Variants in GAS7 observed in about 807,000 individuals in gnomAD.
GAS7 encodes the protein growth arrest specific 7, also known as growth arrest-specific protein 7.
Under a neutral mutation model 71.1 loss-of-function variants are expected in GAS7, and 28 were observed. That is an observed-to-expected ratio of 0.39 (90% confidence interval 0.29 to 0.54). The LOEUF (loss-of-function observed/expected upper bound fraction) is 0.54, where lower values mean the gene tolerates loss of function less well. Ranked by LOEUF, GAS7 falls within the 20% of genes least tolerant of loss-of-function variation. The pLI, the probability that GAS7 is intolerant of heterozygous loss-of-function variation, is 0.62. For synonymous variants in GAS7, 258 were observed against 245.8 expected (o/e 1.05, Z -0.46); for missense variants, 436 against 627.8 (o/e 0.69, Z 3.27).
intron 1 of GAS7, among the ~76,000 whole-genome samples, chr17:10,181,349 G>T (rs1253561326): frequency 7.2e-6 from 1 of 138,890 alleles, no homozygotes; most frequent in African/African-American, 2.8e-5. Flanking sequence ...GACAGAGCAA[G>T]ACTCCACCTC....
At chr17:10,104,322 ACATC>A (rs2073737478) in intron 1 of GAS7, among the ~76,000 whole-genome samples, 1 of 152,092 alleles carries the variant, frequency 6.6e-6, no homozygotes, top group Admixed American at 6.5e-5. Flanking sequence ...GGCTCCCATG[ACATC>A]TCATGGGTTT....
intron 1 of GAS7, among the ~76,000 whole-genome samples, chr17:10,109,222 A>G (rs1349431340): frequency 6.6e-6 from 1 of 152,266 alleles, no homozygotes; most frequent in Non-Finnish European, 1.5e-5. Context: ...AATTGCTAAC[A>G]GGCATATAAA....
rs1057395515 is a variant in GAS7 at position 9,910,637 on chromosome 17, C to G, written c.*6591G>C. 7 of 195,368 alleles carry G rather than the reference C, an allele frequency of 3.6e-5. No homozygotes were observed. Among genetic ancestry groups the G allele is most frequent in the African/African-American group, 1.6e-4 (7 of 43,106 alleles). 12.1% of individuals were successfully genotyped at this position (195,368 alleles called of 1,614,324 possible). A position where few individuals can be genotyped will look rare whatever the true frequency, so the allele number is the denominator to read the frequency against. ...TTCCTGAAAACTCTTTATAATAATG[C>G]AGGACAACTGTATATAGCAAACGCC... is the stretch of plus-strand genomic sequence containing the variant. On this transcript the variant is annotated 3_prime_UTR_variant, in exon 14 of 14. Transcript: ENST00000432992.
In GAS7 at chr17:10,026,051, G is replaced by T; in HGVS notation, c.184-6154C>A. 2.4e-6 allele frequency: 1 copy of T among 425,512 alleles called. No homozygotes were observed. The highest frequency in any genetic ancestry group is 3.1e-6 in the Non-Finnish European group (1 of 318,190). 26.4% of individuals were successfully genotyped at this position (425,512 alleles called of 1,614,324 possible). Reference sequence around the variant, plus strand: ...AGACCCTGCTACTCCGCTCCCTACCGCTCCCACCATGCTTCAAGCTCAAGT... The same window carrying T: ...AGACCCTGCTACTCCGCTCCCTACCTCTCCCACCATGCTTCAAGCTCAAGT... On this transcript the variant is annotated intron_variant, in intron 1 of 13. Transcript: ENST00000432992. The surrounding 1 kb of genome is among the most constrained non-coding windows in gnomAD (Gnocchi z 4.5).
intron 5 of GAS7, among the ~76,000 whole-genome samples, chr17:9,953,789 C>T (rs1337154001): frequency 2.0e-5 from 3 of 152,240 alleles, no homozygotes; most frequent in Non-Finnish European, 4.4e-5. Flanking sequence ...CTCCTCCTTG[C>T]CAGACAGCCT....
chr17:10,081,216 G>A (rs193029759), intron 1 of GAS7, among the ~76,000 whole-genome samples: 129 of 152,230 alleles, frequency 8.5e-4, no homozygotes, highest in African/African-American at 2.9e-3. Flanking sequence ...GTGCGATGGC[G>A]CGATCTCAGC....
chr17:10,138,141 A>G (rs1416577216), intron 1 of GAS7, among the ~76,000 whole-genome samples: 2 of 150,564 alleles, frequency 1.3e-5, no homozygotes, highest in East Asian at 4.0e-4. Context: ...TTTTTTTTGT[A>G]TTTTTAGTAG....
chr17:10,023,630 A>G (rs1255322350), intron 1 of GAS7, among the ~76,000 whole-genome samples: 2 of 152,262 alleles, frequency 1.3e-5, no homozygotes, highest in African/African-American at 4.8e-5. Flanking sequence ...TGAAATGCCC[A>G]GAATGGGCAG....
chr17:10,076,551 G>T (rs2073396302), intron 1 of GAS7, among the ~76,000 whole-genome samples: 1 of 152,054 alleles, frequency 6.6e-6, no homozygotes, highest in Non-Finnish European at 1.5e-5. Flanking sequence ...CATTATAATT[G>T]TCTACCCCTC....
At chr17:10,124,371 C>T (rs1055694971) in intron 1 of GAS7, among the ~76,000 whole-genome samples, 4 of 111,798 alleles carry the variant, frequency 3.6e-5, no homozygotes, top group Admixed American at 2.5e-4. Context: ...TAAAGGAAAG[C>T]GCAGCCTCCA....
intron 1 of GAS7, among the ~76,000 whole-genome samples, chr17:10,096,099 G>T (rs921918617): frequency 1.3e-5 from 2 of 152,024 alleles, no homozygotes; most frequent in Non-Finnish European, 2.9e-5. Flanking sequence ...CCAAGTCTGC[G>T]CCAAGGCCCC....
intron 2 of GAS7, among the ~76,000 whole-genome samples, chr17:9,988,467 G>A (rs2152139139): frequency 6.6e-6 from 1 of 152,326 alleles, no homozygotes; most frequent in Middle Eastern, 3.4e-3. Context: ...AAAAGCAGCA[G>A]TTCACAGAGA....
chr17:10,045,307 G>A (rs980131646), intron 1 of GAS7, among the ~76,000 whole-genome samples: 1 of 152,212 alleles, frequency 6.6e-6, no homozygotes, highest in Admixed American at 6.5e-5. Context: ...GCTGGGCAGA[G>A]GGCTCCCGTG....
chr17:10,112,212 G>A (rs534586239), intron 1 of GAS7, among the ~76,000 whole-genome samples: 10 of 152,314 alleles, frequency 6.6e-5, no homozygotes, highest in South Asian at 2.1e-4. Flanking sequence ...CAATTCCACC[G>A]TGGATGCATC....
chr17:9,997,439 T>C (rs2071092131), intron 2 of GAS7, among the ~76,000 whole-genome samples: 1 of 152,136 alleles, frequency 6.6e-6, no homozygotes, highest in African/African-American at 2.4e-5. Flanking sequence ...ATGACAACCA[T>C]TTGCTACATC....
intron 1 of GAS7, among the ~76,000 whole-genome samples, chr17:10,105,518 T>C (rs931270237): frequency 3.3e-5 from 5 of 152,200 alleles, no homozygotes; most frequent in African/African-American, 1.2e-4. Context: ...TGTTCTAGCA[T>C]TCCCAGGATG....
In GAS7 at chr17:10,172,042, C is replaced by T. The variant is rs140528890; in HGVS notation, c.183+26166G>A. Among the ~76,000 whole-genome samples the T allele has an allele frequency of 7.3e-3, 1,108 of 152,250 alleles. 11 individuals carry two copies. The highest frequency in any genetic ancestry group is 0.025 in the African/African-American group (1,053 of 41,542). On this transcript the variant is annotated intron_variant, in intron 1 of 13. Coordinates refer to ENST00000432992, the MANE Select transcript of GAS7 (RefSeq NM_201433.2). ...ACAGGACAGCGGATGATCTAGCATT[C>T]GCAAAAGCAACATACTAAGAAAAGC...
intron 1 of GAS7, among the ~76,000 whole-genome samples, chr17:10,102,205 T>TA (rs34961542): frequency 0.024 from 1,657 of 70,234 alleles, 54 homozygotes; most frequent in Non-Finnish European, 0.029. Context: ...AGAGTGCCCG[T>TA]AAAAAAAAAA....
chr17:9,918,358 T>C (rs1471664501), intron 12 of GAS7, among the ~76,000 whole-genome samples: 1 of 152,220 alleles, frequency 6.6e-6, no homozygotes, highest in Non-Finnish European at 1.5e-5. Context: ...ACTGTCCTCG[T>C]TACAATTTTA....
Sources: gnomAD v4.1 joint callset for allele counts (sites outside exome capture counted in the v4.1 genomes callset) on GRCh38, gnomAD v4.1.1 for gene constraint, Gnocchi (gnomAD v3.1) non-coding constraint, MANE v1.5 for transcripts, NCBI Gene and HGNC (gene_info 2026-07-23, HGNC 2026-07-21) for gene names.